COTL1: variants seen among roughly 807,000 people sequenced by gnomAD.
COTL1 encodes coactosin-like protein.
In COTL1, 15 loss-of-function variants were observed where a neutral mutation model predicts 16.5. The observed-to-expected ratio is 0.91, with a 90% CI of 0.61 to 1.40. The LOEUF is 1.40. Among genes scored for constraint, COTL1 ranks in the 40% most tolerant of loss-of-function variants. COTL1 has a pLI of 0.00. For missense variants in COTL1, 220 were observed against 201.5 expected (o/e 1.09, Z -0.56); for synonymous variants, 112 against 85.3 (o/e 1.31, Z -1.73).
At chr16:84,579,661 C>A (rs1904535008) in intron 3 of COTL1, among the ~76,000 whole-genome samples, 1 of 152,192 alleles carries the variant, frequency 6.6e-6, no homozygotes, top group Non-Finnish European at 1.5e-5. Context: ...TGTCGGAACC[C>A]TTTCGGCAAA....
Position 84,597,562 on chromosome 16 carries a change from G to A in COTL1, c.161-7300C>T, listed in dbSNP as rs1173633982. Among the ~76,000 whole-genome samples the A allele has an allele frequency of 2.6e-5, 4 of 152,168 alleles. No homozygotes were observed. In the East Asian group the frequency reaches 7.7e-4, roughly 29 times the overall value. ...ACGCTGGGAGTGGAGCTCTGAAACTGTGCTCGAATGAGCCCCAGGGTGATT... is the reference window on the plus strand; with the variant it reads ...ACGCTGGGAGTGGAGCTCTGAAACTATGCTCGAATGAGCCCCAGGGTGATT... On this transcript the variant is annotated intron_variant, in intron 2 of 3. Transcript: ENST00000262428.
rs1212211529 is a variant in COTL1 at position 84,610,626 on chromosome 16, G to C, written c.160+6875C>G. On this transcript the variant is annotated intron_variant, in intron 2 of 3. Coordinates refer to ENST00000262428, the MANE Select transcript of COTL1 (RefSeq NM_021149.5). ...GCAGAAGAGTGGCTTGCTCTGATTG[G>C]ACAGGTCTGGGTTATGTGCACTCTC... 2.0e-5 allele frequency among the ~76,000 whole-genome samples: 3 copies of C among 152,288 alleles called. No individual in the cohort carries two copies. The Middle Eastern group carries it at 0.01, about 518-fold the overall frequency.
intron 3 of COTL1, among the ~76,000 whole-genome samples, chr16:84,569,470 A>AT (rs1368045937): frequency 1.3e-5 from 2 of 152,326 alleles, no homozygotes; most frequent in East Asian, 3.9e-4. Context: ...AAGACAATGC[A>AT]TTTGGCGCGC....
chr16:84,586,331 C>G (rs1214969692), intron 3 of COTL1, among the ~76,000 whole-genome samples: 2 of 152,226 alleles, frequency 1.3e-5, no homozygotes, highest in African/African-American at 2.4e-5. Flanking sequence ...ATTATCACCA[C>G]TACTCCCACC....
intron 2 of COTL1, among the ~76,000 whole-genome samples, chr16:84,602,733 T>C: frequency 6.6e-6 from 1 of 151,970 alleles, no homozygotes; most frequent in East Asian, 1.9e-4. Flanking sequence ...TGCACACCTG[T>C]AATCCCAGCT....
chr16:84,573,294 G>A (rs1904372948), intron 3 of COTL1, among the ~76,000 whole-genome samples: 1 of 152,256 alleles, frequency 6.6e-6, no homozygotes, highest in Admixed American at 6.5e-5. Flanking sequence ...GCGCTTTCAG[G>A]CGCTCAGTGG....
At chr16:84,616,504 A>AAAATAAATAAATAAATAAATAAATAAAT (rs371812172) in intron 2 of COTL1, 347 of 150,140 alleles carry the variant, frequency 2.3e-3, no homozygotes, top group African/African-American at 7.9e-3. Flanking sequence ...TTCTGTCTCA[A>AAAATAAATAAATAAATAAATAAATAAAT]AAATAAATAA....
intron 3 of COTL1, among the ~76,000 whole-genome samples, chr16:84,585,891 G>A (rs1342962994): frequency 6.6e-6 from 1 of 152,222 alleles, no homozygotes; most frequent in Admixed American, 6.5e-5. Flanking sequence ...GTTCAGGCCA[G>A]TATTCCAGCT....
rs201844640 is a variant in COTL1 at position 84,601,323 on chromosome 16, AC to A, written c.161-11062del. On this transcript the variant is annotated intron_variant, in intron 2 of 3. Coordinates refer to ENST00000262428, the MANE Select transcript of COTL1 (RefSeq NM_021149.5). Reference sequence around the variant, plus strand: ...GCAAACAAAAATGTAGTGTGTGAATACCATGAAATTACTGCTATGGCAAAGA... The same window carrying A: ...GCAAACAAAAATGTAGTGTGTGAATACATGAAATTACTGCTATGGCAAAGA... Among the ~76,000 whole-genome samples the A allele has an allele frequency of 2.6e-4, 40 of 152,370 alleles. No homozygotes were observed. In the East Asian group the frequency reaches 7.3e-3, roughly 28 times the overall value.
At chr16:84,613,753 G>A (rs891685663) in intron 2 of COTL1, among the ~76,000 whole-genome samples, 1 of 152,238 alleles carries the variant, frequency 6.6e-6, no homozygotes, top group African/African-American at 2.4e-5. Flanking sequence ...GGACACTTTT[G>A]TGAAAGTGGC....
At position 84,574,417 on chromosome 16, in the gene COTL1, T is replaced by C. The variant is rs1289554454; in HGVS notation, c.319-7462A>G. ...TGGCTGAAGAAAGCTCTTTGTTTTG[T>C]CTGGGAACTCGGTGTCGCTCTCTCA... On this transcript the variant is annotated intron_variant, in intron 3 of 3. Transcript: ENST00000262428. 2.0e-5 allele frequency among the ~76,000 whole-genome samples: 3 copies of C among 152,104 alleles called. No homozygotes were observed. In the East Asian group the frequency reaches 5.8e-4, roughly 29 times the overall value.
At chr16:84,594,850 GC>G in intron 2 of COTL1, 1 of 152,736 alleles carries the variant, frequency 6.5e-6, no homozygotes, top group Non-Finnish European at 1.5e-5. Flanking sequence ...TCTCAGTGTC[GC>G]CCCCTCCCAC....
chr16:84,566,654 T>G lies in COTL1; in HGVS notation c.*191A>C, dbSNP rs1205505374. On this transcript the variant is annotated 3_prime_UTR_variant, in exon 4 of 4. Coordinates refer to ENST00000262428, the MANE Select transcript of COTL1 (RefSeq NM_021149.5). ...AAAGAAAGAGGTTCCATGAGCGTCA[T>G]GAGATAGGACACGGCAGGGTTCTAA... is the stretch of plus-strand genomic sequence containing the variant. The G allele has an allele frequency of 9.5e-6, 5 of 526,214 alleles. No individual in the cohort carries two copies. Among genetic ancestry groups the G allele is most frequent in the Non-Finnish European group, 1.7e-5 (5 of 296,214 alleles). 32.6% of individuals were successfully genotyped at this position (526,214 alleles called of 1,614,324 possible).
intron 2 of COTL1, among the ~76,000 whole-genome samples, chr16:84,608,985 A>G (rs1905266430): frequency 6.6e-6 from 1 of 152,172 alleles, no homozygotes; most frequent in African/African-American, 2.4e-5. Context: ...GCATGCATTA[A>G]CGGACAGACT....
At chr16:84,567,548 T>C (rs1904304189) in intron 3 of COTL1, 1 of 152,496 alleles carries the variant, frequency 6.6e-6, no homozygotes, top group Non-Finnish European at 1.5e-5. Context: ...CAGCCACCAA[T>C]GTTCCTAATG....
At chr16:84,585,778 G>A (rs778014959) in intron 3 of COTL1, among the ~76,000 whole-genome samples, 4 of 152,222 alleles carry the variant, frequency 2.6e-5, no homozygotes, top group African/African-American at 9.6e-5. Context: ...TGCAACTGCA[G>A]TATAAATGTA....
At chr16:84,580,832 C>G (rs1162072282) in intron 3 of COTL1, among the ~76,000 whole-genome samples, 1 of 152,182 alleles carries the variant, frequency 6.6e-6, no homozygotes, top group Non-Finnish European at 1.5e-5. Context: ...TTCAATTGTG[C>G]AATTTGTGTT....
intron 3 of COTL1, chr16:84,577,191 G>C (rs929746768): frequency 1.3e-5 from 2 of 152,110 alleles, no homozygotes; most frequent in Non-Finnish European, 2.9e-5. Flanking sequence ...AACTCTACCA[G>C]CAAGGTATAA....
Position 84,566,480 on chromosome 16 carries a change from T to G in COTL1, c.*365A>C, listed in dbSNP as rs1407458236. The G allele has an allele frequency of 5.6e-6, 1 of 179,736 alleles. No individual in the cohort carries two copies. Among genetic ancestry groups the G allele is most frequent in the Admixed American group, 6.2e-5 (1 of 16,156 alleles). The allele number at this position is 179,736 out of a possible 1,614,324, so 11.1% of individuals were successfully genotyped here. ...AAAGCAACGTGAGGTCATGCAGATC[T>G]CACTAGGCAGACCTCGTCGCGTGGA... On this transcript the variant is annotated 3_prime_UTR_variant, in exon 4 of 4. Transcript: ENST00000262428.
Sources: gnomAD v4.1 joint callset for allele counts (sites outside exome capture counted in the v4.1 genomes callset) on GRCh38, gnomAD v4.1.1 for gene constraint, MANE v1.5 for transcripts, NCBI Gene and HGNC (gene_info 2026-07-23, HGNC 2026-07-21) for gene names.